The following EHD3 variants were observed in gnomAD, a reference collection of about 807,000 sequenced individuals.
EHD3 encodes the protein EH domain-containing protein 3.
A neutral mutation model predicts 43.0 loss-of-function variants in EHD3; 17 were observed. That is an observed-to-expected ratio of 0.40 (90% CI 0.27 to 0.59). The LOEUF (loss-of-function observed/expected upper bound fraction) is 0.59. Ranked by LOEUF, EHD3 falls within the 20% of genes least tolerant of loss-of-function variation. The pLI, the probability that EHD3 is intolerant of heterozygous loss-of-function variation, is 0.49. For missense variants in EHD3, 594 were observed against 705.6 expected, an observed-to-expected ratio of 0.84 and a Z score of 1.79; for synonymous variants, 313 against 289.5, an observed-to-expected ratio of 1.08 and a Z score of -0.82.
intron 3 of EHD3, among the ~76,000 whole-genome samples, chr2:31,254,444 G>A (rs776715802): frequency 2.8e-4 from 43 of 152,210 alleles, no homozygotes; most frequent in Non-Finnish European, 5.3e-4. Flanking sequence ...CAGAGCAGCC[G>A]AGTCCTGACG....
intron 2 of EHD3, among the ~76,000 whole-genome samples, chr2:31,248,854 C>G (rs1683579511): frequency 6.6e-6 from 1 of 152,176 alleles, no homozygotes; most frequent in African/African-American, 2.4e-5. Context: ...CCTGACTCTG[C>G]AGTGATGGTT....
intron 5 of EHD3, among the ~76,000 whole-genome samples, chr2:31,265,503 G>A (rs1435894275): frequency 2.6e-5 from 4 of 152,168 alleles, no homozygotes; most frequent in Non-Finnish European, 5.9e-5. Flanking sequence ...TTGTAATGCA[G>A]CACATGACTG....
intron 4 of EHD3, among the ~76,000 whole-genome samples, 182 bp from the exon 5 acceptor site, chr2:31,261,367 A>G (rs999982254): frequency 9.9e-5 from 15 of 152,142 alleles, no homozygotes; most frequent in Non-Finnish European, 1.9e-4. Flanking sequence ...CATAACATAG[A>G]AAAACAGCCC....
At chr2:31,251,396 A>G (rs924528224) in intron 3 of EHD3, among the ~76,000 whole-genome samples, 1 of 152,160 alleles carries the variant, frequency 6.6e-6, no homozygotes, top group African/African-American at 2.4e-5. Context: ...TCCAGGGAAG[A>G]CACAGCCTGG....
rs927080676 is a variant in EHD3 at position 31,249,811 on chromosome 2, G to T, written c.502+343G>T. 4.6e-5 allele frequency among the ~76,000 whole-genome samples: 7 copies of T among 152,252 alleles called. No homozygotes were observed. The East Asian group carries it at 1.2e-3, about 25-fold the overall frequency. On this transcript the variant is annotated intron_variant, in intron 3 of 5. Transcript: ENST00000322054. Reference sequence around the variant, plus strand: ...TCCTGGCTTGCTTCTTAAGTTCCTGGGGAGCTTGCAGCTCTGCAGGGCAGC... The same window carrying T: ...TCCTGGCTTGCTTCTTAAGTTCCTGTGGAGCTTGCAGCTCTGCAGGGCAGC...
intron 2 of EHD3, among the ~76,000 whole-genome samples, chr2:31,246,899 CCTTT>C (rs1458382205): frequency 6.6e-6 from 1 of 150,788 alleles, no homozygotes; most frequent in Admixed American, 6.6e-5. Context: ...ACAGTGGTTA[CCTTT>C]TTTTTTTTTT....
At position 31,260,098 on chromosome 2, in the gene EHD3, G is replaced by A. The variant is rs1310942316; in HGVS notation, c.503-412G>A. On this transcript the variant is annotated intron_variant, in intron 3 of 5. Coordinates refer to ENST00000322054, the MANE Select transcript of EHD3 (RefSeq NM_014600.3). The surrounding 1 kb of genome is among the most constrained non-coding windows in gnomAD (Gnocchi z 4.6). The stretch of plus-strand genomic sequence containing the variant: ...TGCCTGTAATCCCAGCTACTCGGGA[G>A]GCTGAGGCAGGAAAATCACTTGACC... Among the ~76,000 whole-genome samples the A allele has an allele frequency of 6.6e-6, 1 of 152,124 alleles. No individual in the cohort carries two copies. Among genetic ancestry groups the A allele is most frequent in the African/African-American group, 2.4e-5 (1 of 41,416 alleles).
At chr2:31,237,096 C>T (rs1296581352) in intron 1 of EHD3, among the ~76,000 whole-genome samples, 2 of 152,182 alleles carry the variant, frequency 1.3e-5, no homozygotes, top group Non-Finnish European at 2.9e-5. Context: ...GAGGGAGTGT[C>T]AGCCAGCGCT....
At chr2:31,245,638 C>T (rs1331154623) in intron 2 of EHD3, among the ~76,000 whole-genome samples, 2 of 143,050 alleles carry the variant, frequency 1.4e-5, no homozygotes, top group East Asian at 2.0e-4. Context: ...CTCAGCTCAT[C>T]GCAAACTCTG....
At chr2:31,238,540 T>C (rs1224073659) in intron 1 of EHD3, among the ~76,000 whole-genome samples, 1 of 152,250 alleles carries the variant, frequency 6.6e-6, no homozygotes, top group Non-Finnish European at 1.5e-5. Flanking sequence ...AACAGTAAAT[T>C]GGCTTGGCGG....
chr2:31,260,668 G>A lies in EHD3; in HGVS notation c.661G>A (p.Ala221Thr). The change falls in exon 4 of 6, where the codon GCT (alanine) becomes ACT (threonine). Residue 221 changes from alanine (A) to threonine (T), a missense_variant. Coordinates refer to ENST00000322054, the MANE Select transcript of EHD3 (RefSeq NM_014600.3). This position sits in a 1 kb window ranked among gnomAD's most constrained non-coding sequence, Gnocchi z 4.6. ...CAAGATGCGAGTGGTGCTGAACAAA[G>A]CTGACCAGATCGAGACGCAGCAGCT... Reference protein sequence around the residue: ...EDKMRVVLNKADQIETQQLMR... With the variant: ...EDKMRVVLNKTDQIETQQLMR... 6.2e-7 allele frequency: 1 copy of A among 1,614,192 alleles called. No individual in the cohort carries two copies. Among genetic ancestry groups the A allele is most frequent in the South Asian group, 1.1e-5 (1 of 91,084 alleles).
intron 5 of EHD3, 119 bp downstream of exon 5, chr2:31,261,832 A>AAC: frequency 6.6e-6 from 8 of 1,207,998 alleles, no homozygotes; most frequent in South Asian, 3.4e-5. Flanking sequence ...CAGAATCTGC[A>AAC]GGCAAGGAGG....
At chr2:31,265,468 G>A (rs532527108) in intron 5 of EHD3, among the ~76,000 whole-genome samples, 5 of 152,162 alleles carry the variant, frequency 3.3e-5, no homozygotes, top group African/African-American at 9.7e-5. Flanking sequence ...CTCGTCATAC[G>A]TGTGGTCCCT....
At chr2:31,249,350 A>G (rs375645684) in intron 2 of EHD3, 21 bp from the exon 3 acceptor site, 161 of 1,612,286 alleles carry the variant, frequency 1.0e-4, no homozygotes, top group Non-Finnish European at 1.3e-4. Flanking sequence ...GTACTCACCC[A>G]GGTTACCTCT....
Position 31,266,319 on chromosome 2 carries a change from T to G in EHD3, c.1223T>G (p.Met408Arg), listed in dbSNP as rs781500690. 1 of 1,614,150 alleles carries G rather than the reference T, an allele frequency of 6.2e-7. No homozygotes were observed. The highest frequency in any genetic ancestry group is 1.1e-5 in the South Asian group (1 of 91,090). The change falls in exon 6 of 6, where the codon ATG becomes AGG. Residue 408 changes from methionine to arginine, a missense_variant. Physicochemically the swap from Met to Arg is moderately conservative, Grantham distance 91 (BLOSUM62 -1). Coordinates refer to ENST00000322054, the MANE Select transcript of EHD3 (RefSeq NM_014600.3). The surrounding 1 kb of genome is among the most constrained non-coding windows in gnomAD (Gnocchi z 5.1). ...RQEESQRPIQ[M>R]VKGGAFEGTL... ...GAGGAGTCACAGCGGCCCATCCAGA[T>G]GGTGAAGGGCGGAGCGTTCGAGGGC...
rs1362649709 is a variant in EHD3, at chr2:31,244,368, A to G, written c.322A>G (p.Ile108Val). The change falls in exon 2 of 6, where the codon ATC becomes GTC. Residue 108 changes from isoleucine to valine, a missense_variant. Around this residue, in one of 3 missense-constraint regions of EHD3, gnomAD observed 243 missense variants for 296.7 expected, o/e 0.82. Coordinates refer to ENST00000322054, the MANE Select transcript of EHD3 (RefSeq NM_014600.3). ...IAVMQGDMEG[I>V]IPGNALVVDP... ...GGTGATGCAGGGAGACATGGAGGGG[A>G]TCATCCCTGGGAACGCCCTGGTGGT... is the stretch of plus-strand genomic sequence containing the variant. The G allele has an allele frequency of 1.9e-6, 3 of 1,614,198 alleles. No individual in the cohort carries two copies. Among genetic ancestry groups the G allele is most frequent in the South Asian group, 2.2e-5 (2 of 91,084 alleles).
chr2:31,252,425 T>C (rs1316558706), intron 3 of EHD3, among the ~76,000 whole-genome samples: 1 of 152,222 alleles, frequency 6.6e-6, no homozygotes, highest in Non-Finnish European at 1.5e-5. Context: ...CCTCAGTTCC[T>C]ATCCTATTCT....
rs1683826848 is a variant in EHD3 at position 31,260,311 on chromosome 2, C to A, written c.503-199C>A. On this transcript the variant is annotated intron_variant, in intron 3 of 5. Transcript: ENST00000322054. This position sits in a 1 kb window ranked among gnomAD's most constrained non-coding sequence, Gnocchi z 4.6. ...GTATTCATATTATTTTAGTATTTAA[C>A]AGTATTTTTAGACGAAAAAAATTCT... Among the ~76,000 whole-genome samples the A allele has an allele frequency of 6.6e-6, 1 of 152,148 alleles. No homozygotes were observed. The highest frequency in any genetic ancestry group is 1.5e-5 in the Non-Finnish European group (1 of 68,026).
intron 1 of EHD3, among the ~76,000 whole-genome samples, chr2:31,239,952 C>T (rs938992397): frequency 1.3e-5 from 2 of 152,168 alleles, no homozygotes; most frequent in South Asian, 4.1e-4. Flanking sequence ...GCTCTGGGGA[C>T]GGTGCCGGGT....
Sources: gnomAD v4.1 joint callset for allele counts (sites outside exome capture counted in the v4.1 genomes callset) on GRCh38, gnomAD v4.1.1 for gene constraint, gnomAD v4.1.1 regional missense constraint, Gnocchi (gnomAD v3.1) non-coding constraint, MANE v1.5 for transcripts, NCBI Gene and HGNC (gene_info 2026-07-23, HGNC 2026-07-21) for gene names.